Variants in RXRA observed in about 807,000 individuals in gnomAD.
RXRA encodes the protein retinoic acid receptor RXR-alpha.
RXRA carries 5 observed loss-of-function variants against 44.5 expected under a neutral mutation model. The observed-to-expected ratio is 0.11, with a 90% confidence interval of 0.06 to 0.24. The LOEUF is 0.24. Ranked by LOEUF, RXRA falls within the 10% of genes least tolerant of loss-of-function variation. RXRA has a pLI of 1.00. For synonymous variants in RXRA, 291 were observed against 271.4 expected (o/e 1.07, Z -0.71); for missense variants, 412 against 646.5 (o/e 0.64, Z 3.93).
At chr9:134,432,820 G>A (rs930058034) in intron 8 of RXRA, among the ~76,000 whole-genome samples, 3 of 152,230 alleles carry the variant, frequency 2.0e-5, no homozygotes, top group Non-Finnish European at 4.4e-5. Flanking sequence ...GCACGGAGGT[G>A]GGGTGGGCTG....
At chr9:134,363,632 G>A (rs1409044068) in intron 1 of RXRA, among the ~76,000 whole-genome samples, 7 of 152,208 alleles carry the variant, frequency 4.6e-5, no homozygotes, top group African/African-American at 1.2e-4. Context: ...TGGGCAGGAC[G>A]GGCACTGTGC....
chr9:134,393,025 T>TAAA (rs35870322), intron 1 of RXRA, among the ~76,000 whole-genome samples: 197 of 147,504 alleles, frequency 1.3e-3, no homozygotes, highest in African/African-American at 4.6e-3. Context: ...GGCTTCTTCT[T>TAAA]AAAAAAAAAA....
chr9:134,392,388 A>G (rs1174973035), intron 1 of RXRA, among the ~76,000 whole-genome samples: 1 of 152,130 alleles, frequency 6.6e-6, no homozygotes, highest in Non-Finnish European at 1.5e-5. Context: ...GTGGCTGGAA[A>G]GCAGCTCTCA....
At chr9:134,425,279 C>A (rs1831413500) in intron 6 of RXRA, 1 of 985,206 alleles carries the variant, frequency 1.0e-6, no homozygotes, top group South Asian at 4.7e-5. Flanking sequence ...CCCTACCCGT[C>A]CAGGAGGCCT....
At chr9:134,379,440 A>C (rs1830606833) in intron 1 of RXRA, 1 of 987,272 alleles carries the variant, frequency 1.0e-6, no homozygotes, top group East Asian at 1.1e-4. Context: ...CCATCCAGGC[A>C]TCTGTGTCTG....
At chr9:134,420,881 AGGAC>A (rs1219095574) in intron 5 of RXRA, among the ~76,000 whole-genome samples, 1 of 152,188 alleles carries the variant, frequency 6.6e-6, no homozygotes, top group Non-Finnish European at 1.5e-5. Context: ...CCTTCCGGCT[AGGAC>A]TTTCCAAAGG....
intron 6 of RXRA, chr9:134,422,722 G>A (rs893425072): frequency 1.0e-6 from 1 of 985,446 alleles, no homozygotes; most frequent in Non-Finnish European, 1.2e-6. Flanking sequence ...CTATGGGACT[G>A]TTGGGGGAAG....
At chr9:134,406,733 A>C (rs1419363596) in intron 2 of RXRA, among the ~76,000 whole-genome samples, 3 of 152,176 alleles carry the variant, frequency 2.0e-5, no homozygotes, top group Admixed American at 6.5e-5. Flanking sequence ...GTGGGGGATC[A>C]TGTGTGACCT....
chr9:134,358,014 G>T (rs1464554241), intron 1 of RXRA, among the ~76,000 whole-genome samples: 1 of 152,210 alleles, frequency 6.6e-6, no homozygotes, highest in East Asian at 1.9e-4. Context: ...GATGAGAGGC[G>T]TACCCACTGT....
rs1831433815 is a variant in RXRA, at chr9:134,426,318, T to A, written c.911-2790T>A. 1 of 985,246 alleles carries A rather than the reference T, an allele frequency of 1.0e-6. No homozygotes were observed. The highest frequency in any genetic ancestry group is 1.2e-6 in the Non-Finnish European group (1 of 829,912). 61.0% of individuals were successfully genotyped at this position (985,246 alleles called of 1,614,324 possible). A position where few individuals can be genotyped will look rare whatever the true frequency, so the allele number is the denominator to read the frequency against. On this transcript the variant is annotated intron_variant, in intron 6 of 9. Coordinates refer to ENST00000481739, the MANE Select transcript of RXRA (RefSeq NM_002957.6). This position sits in a 1 kb window ranked among gnomAD's most constrained non-coding sequence, Gnocchi z 4.6. The stretch of plus-strand genomic sequence containing the variant: ...CTCCTTCCTGCAGCGATGGAGCACT[T>A]AGGAAGGTGAAGACACCCCAAAGGT...
intron 1 of RXRA, among the ~76,000 whole-genome samples, chr9:134,400,751 G>A (rs1830946031): frequency 6.6e-6 from 1 of 152,210 alleles, no homozygotes; most frequent in Non-Finnish European, 1.5e-5. Context: ...CGGGAGTGTG[G>A]GAGGTCCCAG....
chr9:134,373,410 G>A (rs112047237), intron 1 of RXRA, among the ~76,000 whole-genome samples: 25 of 152,350 alleles, frequency 1.6e-4, no homozygotes, highest in African/African-American at 4.8e-4. Flanking sequence ...AGCCCTTCTC[G>A]TGTGTGGTCT....
At chr9:134,327,636 C>A (rs931773528) in intron 1 of RXRA, among the ~76,000 whole-genome samples, 7 of 152,186 alleles carry the variant, frequency 4.6e-5, no homozygotes, top group African/African-American at 1.7e-4. Flanking sequence ...CCATCCGTAG[C>A]CCCTCCTGCC....
At chr9:134,411,614 C>T (rs1255548245) in intron 4 of RXRA, among the ~76,000 whole-genome samples, 4 of 152,194 alleles carry the variant, frequency 2.6e-5, no homozygotes, top group South Asian at 4.1e-4. Flanking sequence ...GACTTAGGGC[C>T]GTGAGAGAAA....
At chr9:134,352,596 T>G (rs782818054) in intron 1 of RXRA, among the ~76,000 whole-genome samples, 8 of 152,082 alleles carry the variant, frequency 5.3e-5, no homozygotes, top group Non-Finnish European at 1.0e-4. Flanking sequence ...CCGCTTTCCT[T>G]TGGTGGGACT....
At chr9:134,340,677 C>T (rs1232767949) in intron 1 of RXRA, among the ~76,000 whole-genome samples, 1 of 152,198 alleles carries the variant, frequency 6.6e-6, no homozygotes, top group Non-Finnish European at 1.5e-5. Flanking sequence ...TTGAGCAATG[C>T]CAGCAGTGCC....
At chr9:134,367,161 C>A (rs1830424564) in intron 1 of RXRA, among the ~76,000 whole-genome samples, 1 of 152,216 alleles carries the variant, frequency 6.6e-6, no homozygotes, top group Admixed American at 6.5e-5. Flanking sequence ...CACCAACCCC[C>A]CAAAAGAAGC....
At chr9:134,341,134 C>G (rs1219410978) in intron 1 of RXRA, among the ~76,000 whole-genome samples, 1 of 152,116 alleles carries the variant, frequency 6.6e-6, no homozygotes, top group Admixed American at 6.5e-5. Context: ...GAGCTGTGAC[C>G]GCAGGCCCCG....
At chr9:134,422,039 C>T (rs1360246302) in intron 6 of RXRA, 1 of 1,417,496 alleles carries the variant, frequency 7.1e-7, no homozygotes, top group East Asian at 3.2e-5. Context: ...TGGATGCTCC[C>T]ATCTCCCAGG....
Sources: allele counts gnomAD v4.1 joint callset (sites outside exome capture counted in the v4.1 genomes callset), GRCh38; gene constraint gnomAD v4.1.1; non-coding constraint Gnocchi (gnomAD v3.1); transcripts MANE v1.5; gene names NCBI Gene and HGNC (gene_info 2026-07-23, HGNC 2026-07-21).